ASTE1: variants seen among roughly 807,000 people sequenced by gnomAD.
ASTE1 encodes single-strand DNA endonuclease ASTE1.
ASTE1 carries 49 observed loss-of-function variants against 45.8 expected under a neutral mutation model. The observed-to-expected ratio is 1.07, with a 90% CI of 0.85 to 1.36. ASTE1 has a LOEUF of 1.36. ASTE1 is among the 40% of genes most tolerant of loss of function. The probability of loss-of-function intolerance (pLI) is 0.00; values close to 1 mark genes in which losing one functional copy is unlikely to be tolerated. For missense variants in ASTE1, 709 were observed against 804.0 expected, an observed-to-expected ratio of 0.88 and a Z score of 1.43; for synonymous variants, 296 against 303.9, an observed-to-expected ratio of 0.97 and a Z score of 0.27.
Position 131,026,796 on chromosome 3 carries a change from C to T in ASTE1, c.-436G>A, listed in dbSNP as rs1282287175. 3 of 152,452 alleles carry T rather than the reference C, an allele frequency of 2.0e-5. No individual in the cohort carries two copies. The highest frequency in any genetic ancestry group is 2.9e-5 in the Non-Finnish European group (2 of 68,234). 9.4% of individuals were successfully genotyped at this position (152,452 alleles called of 1,614,324 possible). On this transcript the variant is annotated 5_prime_UTR_variant, in exon 1 of 6. Transcript: ENST00000264992. ...CGCCGGTCCTCCTCTGCTTTCTCCG[C>T]CTACTTGGGTCGGCGAACACTTCCG...
intron 3 of ASTE1, among the ~76,000 whole-genome samples, chr3:131,021,550 C>A (rs1420713532): frequency 6.6e-6 from 1 of 152,162 alleles, no homozygotes; most frequent in African/African-American, 2.4e-5. Context: ...GTGACTGGAA[C>A]CAGACACTAG....
chr3:131,015,232 A>G (rs2063550261), intron 5 of ASTE1: 1 of 702,270 alleles, frequency 1.4e-6, no homozygotes, highest in African/African-American at 1.7e-5. Context: ...ATATATCCTC[A>G]TTCAAAGTAT....
intron 3 of ASTE1, among the ~76,000 whole-genome samples, chr3:131,019,135 A>G (rs917220026): frequency 2.6e-5 from 4 of 152,244 alleles, no homozygotes; most frequent in South Asian, 4.1e-4. Context: ...ACAAAGCTGT[A>G]TACTCAACAC....
intron 4 of ASTE1, 172 bp from the exon 5 acceptor site, chr3:131,016,511 C>A: frequency 1.4e-6 from 1 of 721,938 alleles, no homozygotes; most frequent in Non-Finnish European, 2.2e-6. Flanking sequence ...AATATTGATA[C>A]TGAACTGTCT....
chr3:131,016,751 T>G, intron 4 of ASTE1: 1 of 332,032 alleles, frequency 3.0e-6, no homozygotes, highest in Middle Eastern at 1.1e-3. Context: ...AGAAACAACC[T>G]GTGTGTTCAA....
At chr3:131,018,830 A>AG (rs2063704940) in intron 3 of ASTE1, 114 bp from the exon 4 acceptor site, 1 of 1,043,398 alleles carries the variant, frequency 9.6e-7, no homozygotes, top group African/African-American at 1.6e-5. Context: ...CAGCTGTTAA[A>AG]CTTATCTTCT....
intron 4 of ASTE1, 26 bp from the exon 5 acceptor site, chr3:131,016,365 A>G: frequency 6.2e-7 from 1 of 1,613,558 alleles, no homozygotes; most frequent in Non-Finnish European, 8.5e-7. Flanking sequence ...GCCCAAGGGC[A>G]GTATTTCTAA....
rs1176758013 is a variant in ASTE1, at chr3:131,024,797, A to C, written c.510T>G (p.Thr170=). The C allele has an allele frequency of 6.2e-7, 1 of 1,614,084 alleles. No individual in the cohort carries two copies. Among genetic ancestry groups the C allele is most frequent in the South Asian group, 1.1e-5 (1 of 91,088 alleles). Residue 170 remains threonine, a synonymous_variant, in exon 3 of 6, where the codon ACT becomes ACG. Coordinates refer to ENST00000264992, the MANE Select transcript of ASTE1 (RefSeq NM_014065.4). ...GAAAGCTATTCAATGGGCAAAACCC[A>C]GTTTTCAGGTCAAAAATGCAAAAGT... ...DSDFCIFDLK[T]GFCPLNSFQW... is the part of the protein sequence containing the mutation.
At chr3:131,017,832 C>T (rs1031970935) in intron 4 of ASTE1, among the ~76,000 whole-genome samples, 5 of 151,518 alleles carry the variant, frequency 3.3e-5, no homozygotes, top group South Asian at 2.1e-4. Flanking sequence ...TAGCTGGGCG[C>T]GGTGACAGGC....
In ASTE1 at chr3:131,025,594, T is replaced by C; in HGVS notation, c.-146A>G. 2.6e-6 allele frequency: 1 copy of C among 380,146 alleles called. No individual in the cohort carries two copies. Among genetic ancestry groups the C allele is most frequent in the Non-Finnish European group, 4.6e-6 (1 of 217,216 alleles). 23.5% of individuals were successfully genotyped at this position (380,146 alleles called of 1,614,324 possible). On this transcript the variant is annotated splice_region_variant and 5_prime_UTR_variant, in exon 2 of 6. Coordinates refer to ENST00000264992, the MANE Select transcript of ASTE1 (RefSeq NM_014065.4). Reference sequence around the variant, plus strand: ...GATGGTGACAGAGGCTGCTGCTAATTCTAAAGAAAAATCAGTTGAAGTCCA... The same window carrying C: ...GATGGTGACAGAGGCTGCTGCTAATCCTAAAGAAAAATCAGTTGAAGTCCA...
rs768063484 is a variant in ASTE1, at chr3:131,014,338, A to G, written c.1759T>C (p.Ser587Pro). The part of the protein sequence containing the change: ...VHGLCQQLLA[S>P]TSVESLLSIC... The stretch of plus-strand genomic sequence containing the variant: ...CTCAGGAGACTTTCTACAGAGGTCG[A>G]TGCTAGCAGTTGCTGGCATAGTCCG... Residue 587 changes from serine (S) to proline (P), a missense_variant, in exon 6 of 6, where the codon TCG becomes CCG. By Grantham distance (74) the Ser-to-Pro change is moderately conservative. Coordinates refer to ENST00000264992, the MANE Select transcript of ASTE1 (RefSeq NM_014065.4). The G allele has an allele frequency of 1.2e-6, 2 of 1,612,474 alleles. No homozygotes were observed. Among genetic ancestry groups the G allele is most frequent in the Non-Finnish European group, 1.7e-6 (2 of 1,179,558 alleles).
At position 131,026,530 on chromosome 3, in the gene ASTE1, CCT is replaced by C. The variant is rs1018911875; in HGVS notation, c.-172_-171del. On this transcript the variant is annotated 5_prime_UTR_variant, in exon 1 of 6. The change abolishes the stop of an existing upstream ORF in the 5' untranslated region. Coordinates refer to ENST00000264992, the MANE Select transcript of ASTE1 (RefSeq NM_014065.4). ...ACTCTGTCCTCCCAGAGGAGTAGCT[CCT>C]CCATCAGAAGCCCGCTAGAGCCCAG... is the stretch of plus-strand genomic sequence containing the variant. The C allele has an allele frequency of 2.6e-5, 4 of 152,382 alleles. No homozygotes were observed. Among genetic ancestry groups the C allele is most frequent in the African/African-American group, 9.7e-5 (4 of 41,436 alleles). The allele number at this position is 152,382 out of a possible 1,614,324, so 9.4% of individuals were successfully genotyped here. A position where few individuals can be genotyped will look rare whatever the true frequency, so the allele number is the denominator to read the frequency against.
chr3:131,015,195 A>G, intron 5 of ASTE1: 1 of 702,220 alleles, frequency 1.4e-6, no homozygotes, highest in Non-Finnish European at 2.6e-6. Context: ...GAAACATGTA[A>G]AGTCCCACCA....
rs1441899679 is a variant in ASTE1 at position 131,024,981 on chromosome 3, C to T, written c.326G>A (p.Gly109Asp). 6.2e-7 allele frequency: 1 copy of T among 1,602,280 alleles called. No individual in the cohort carries two copies. The highest frequency in any genetic ancestry group is 2.2e-5 in the East Asian group (1 of 44,792). Reference protein sequence around the residue: ...KIQMAHSLSVGGSGYVCPLLI... With the variant: ...KIQMAHSLSVDGSGYVCPLLI... ...TAAGGGACATACGTACCCACTCCCA[C>T]CAACAGAAAGGGAATGGGCCATCTG... The change falls in exon 3 of 6, where the codon GGT becomes GAT. Residue 109 changes from glycine (G) to aspartate (D), a missense_variant. Physicochemically the swap from Gly to Asp is moderately conservative, Grantham distance 94. Transcript: ENST00000264992.
At chr3:131,015,338 T>G (rs1476922984) in intron 5 of ASTE1, 2 of 641,582 alleles carry the variant, frequency 3.1e-6, no homozygotes, top group Non-Finnish European at 5.6e-6. Flanking sequence ...ACACAATCTA[T>G]CTCCTTTTTA....
rs530062023 is a variant in ASTE1 at position 131,022,333 on chromosome 3, C to A, written c.1302+1672G>T. Among the ~76,000 whole-genome samples, 3 of 152,142 alleles carry A rather than the reference C, an allele frequency of 2.0e-5. No individual in the cohort carries two copies. In the South Asian group the frequency reaches 6.2e-4, roughly 32 times the overall value. On this transcript the variant is annotated intron_variant, in intron 3 of 5. Transcript: ENST00000264992. ...ATAAAAGTCATCCTTTTAAAGCATA[C>A]AATTCAGTGGGTTTAGTGTATATAT... is the stretch of plus-strand genomic sequence containing the variant.
intron 3 of ASTE1, 64 bp from the exon 4 acceptor site, chr3:131,018,780 A>T (rs1450628841): frequency 6.6e-7 from 1 of 1,521,772 alleles, no homozygotes; most frequent in Non-Finnish European, 9.0e-7. Flanking sequence ...TCTTTTTTCC[A>T]CCATAGCATG....
chr3:131,015,566 G>GTTA (rs1379293075), intron 5 of ASTE1, among the ~76,000 whole-genome samples: 1 of 152,148 alleles, frequency 6.6e-6, no homozygotes, highest in Non-Finnish European at 1.5e-5. Flanking sequence ...AAACATCCTA[G>GTTA]GTTAAGTTCA....
chr3:131,017,043 A>G, intron 4 of ASTE1: 1 of 1,289,424 alleles, frequency 7.8e-7, no homozygotes, highest in Non-Finnish European at 1.0e-6. Context: ...TACAGGGTCC[A>G]CATTTCCTAA....
Sources: gnomAD v4.1 joint callset for allele counts (sites outside exome capture counted in the v4.1 genomes callset) on GRCh38, gnomAD v4.1.1 for gene constraint, MANE v1.5 for transcripts, NCBI Gene and HGNC (gene_info 2026-07-23, HGNC 2026-07-21) for gene names.